CTTNBP2NL: variants seen among roughly 807,000 people sequenced by gnomAD.
CTTNBP2NL encodes CTTNBP2 N-terminal-like protein.
A neutral mutation model predicts 32.5 loss-of-function variants in CTTNBP2NL; 16 were observed. The observed-to-expected ratio is 0.49, with a 90% CI of 0.33 to 0.75. The LOEUF (loss-of-function observed/expected upper bound fraction) is 0.75. Among genes scored for constraint, CTTNBP2NL ranks in the 30% least tolerant of loss-of-function variants. CTTNBP2NL has a pLI of 0.02. For synonymous variants in CTTNBP2NL, 298 were observed against 289.4 expected (o/e 1.03, Z -0.30); for missense variants, 645 against 756.0 (o/e 0.85, Z 1.72).
At chr1:112,417,003 A>G (rs540977769) in intron 3 of CTTNBP2NL, among the ~76,000 whole-genome samples, 10 of 152,254 alleles carry the variant, frequency 6.6e-5, no homozygotes, top group African/African-American at 2.2e-4. Context: ...GCCCATTTCT[A>G]ATTGTCACTG....
In CTTNBP2NL at chr1:112,398,018, T is replaced by C. The variant is rs951320994; in HGVS notation, c.-134+1746T>C. ...TACAAAGAAGAAACTGGAGGGTGTCTCTAGCAAACGCAATGTGTGCTGCAA... is the reference window on the plus strand; with the variant it reads ...TACAAAGAAGAAACTGGAGGGTGTCCCTAGCAAACGCAATGTGTGCTGCAA... On this transcript the variant is annotated intron_variant, in intron 1 of 5. Transcript: ENST00000271277. 2.0e-5 allele frequency among the ~76,000 whole-genome samples: 3 copies of C among 152,330 alleles called. No homozygotes were observed. In the East Asian group the frequency reaches 5.8e-4, roughly 29 times the overall value.
intron 1 of CTTNBP2NL, among the ~76,000 whole-genome samples, chr1:112,404,973 C>A (rs978689418): frequency 1.3e-5 from 2 of 152,024 alleles, no homozygotes; most frequent in African/African-American, 4.8e-5. Flanking sequence ...ATCTCTTGAA[C>A]CAGGAGGCGG....
chr1:112,450,565 T>TC (rs1650185285), intron 4 of CTTNBP2NL, among the ~76,000 whole-genome samples: 2 of 152,196 alleles, frequency 1.3e-5, no homozygotes, highest in South Asian at 4.1e-4. Flanking sequence ...TATTTCCACT[T>TC]CATCCATGAG....
At chr1:112,437,967 T>C (rs1008609096) in intron 3 of CTTNBP2NL, among the ~76,000 whole-genome samples, 1 of 152,220 alleles carries the variant, frequency 6.6e-6, no homozygotes, top group Non-Finnish European at 1.5e-5. Context: ...TAGATCCCAT[T>C]TATCAATTTT....
chr1:112,440,534 GAAGTA>G (rs1012693720), intron 3 of CTTNBP2NL, among the ~76,000 whole-genome samples: 1 of 152,136 alleles, frequency 6.6e-6, no homozygotes, highest in Non-Finnish European at 1.5e-5. Flanking sequence ...TCTTATGCTA[GAAGTA>G]AAGTTCCTCA....
intron 3 of CTTNBP2NL, among the ~76,000 whole-genome samples, chr1:112,425,495 T>C (rs939995276): frequency 6.6e-6 from 1 of 152,018 alleles, no homozygotes; most frequent in Middle Eastern, 3.2e-3. Context: ...ATAAAATTGA[T>C]TTTTGTATAC....
intron 3 of CTTNBP2NL, among the ~76,000 whole-genome samples, chr1:112,418,155 C>G (rs541106170): frequency 1.3e-5 from 2 of 152,202 alleles, no homozygotes; most frequent in Non-Finnish European, 2.9e-5. Context: ...AATCTTATAT[C>G]TCTAAACAAA....
chr1:112,445,388 G>T (rs890054888), intron 3 of CTTNBP2NL, among the ~76,000 whole-genome samples: 195 of 152,104 alleles, frequency 1.3e-3, no homozygotes, highest in Middle Eastern at 6.8e-3. Context: ...CTGTTTTGGG[G>T]TTTTTTTATT....
intron 3 of CTTNBP2NL, among the ~76,000 whole-genome samples, chr1:112,433,259 T>G (rs1470456190): frequency 6.6e-6 from 1 of 152,122 alleles, no homozygotes; most frequent in Non-Finnish European, 1.5e-5. Context: ...TGTGGGGGTG[T>G]GTGTGTGTGT....
chr1:112,443,820 A>G (rs1649963356), intron 3 of CTTNBP2NL, among the ~76,000 whole-genome samples: 1 of 152,234 alleles, frequency 6.6e-6, no homozygotes, highest in Admixed American at 6.5e-5. Flanking sequence ...TTCCAGAACA[A>G]GGGTTTTCTT....
upstream of CTTNBP2NL, among the ~76,000 whole-genome samples, chr1:112,391,858 G>T (rs1373747571): frequency 6.6e-6 from 1 of 152,124 alleles, no homozygotes; most frequent in African/African-American, 2.4e-5. Context: ...GGCAGTAGTG[G>T]TGCGCGCCTG....
chr1:112,414,655 G>A (rs1649005354), intron 2 of CTTNBP2NL: 1 of 152,142 alleles, frequency 6.6e-6, no homozygotes, highest in African/African-American at 2.4e-5. Flanking sequence ...AGAAATATTT[G>A]TTCTACTTTG....
chr1:112,427,889 C>G (rs1406424120), intron 3 of CTTNBP2NL, among the ~76,000 whole-genome samples: 1 of 69,962 alleles, frequency 1.4e-5, no homozygotes, highest in Non-Finnish European at 2.8e-5. Context: ...GAGCAAGACT[C>G]TGTCTCAAAA....
At chr1:112,423,084 A>G (rs776903150) in intron 3 of CTTNBP2NL, among the ~76,000 whole-genome samples, 3 of 152,082 alleles carry the variant, frequency 2.0e-5, no homozygotes, top group African/African-American at 4.8e-5. Context: ...ATAGTCACCA[A>G]CCTGGCCTGT....
In CTTNBP2NL at chr1:112,415,679, C is replaced by A. The variant is rs147265297; in HGVS notation, c.-9-478C>A. ...TCAAGTGATTCCCCTGCCTCAGCCTCCCGAGTAGCTGGGACTACAGGCGTG... is the reference window on the plus strand; with the variant it reads ...TCAAGTGATTCCCCTGCCTCAGCCTACCGAGTAGCTGGGACTACAGGCGTG... On this transcript the variant is annotated intron_variant, in intron 2 of 5. Coordinates refer to ENST00000271277, the MANE Select transcript of CTTNBP2NL (RefSeq NM_018704.3). Among the ~76,000 whole-genome samples, 524 of 152,056 alleles carry A rather than the reference C, an allele frequency of 3.4e-3. 3 individuals are homozygous for A. Among genetic ancestry groups the A allele is most frequent in the African/African-American group, 0.012 (487 of 41,488 alleles).
chr1:112,401,909 A>T (rs1415428727), intron 1 of CTTNBP2NL, among the ~76,000 whole-genome samples: 3 of 152,234 alleles, frequency 2.0e-5, no homozygotes, highest in Non-Finnish European at 4.4e-5. Flanking sequence ...TATAGTTCTC[A>T]ATTGTTACTG....
At chr1:112,395,358 T>A (rs1648288427), upstream of CTTNBP2NL, among the ~76,000 whole-genome samples, 1 of 152,180 alleles carries the variant, frequency 6.6e-6, no homozygotes, top group Non-Finnish European at 1.5e-5. Context: ...TCCACTCCCC[T>A]CTCTGAGTTA....
At chr1:112,437,001 T>C (rs555579322) in intron 3 of CTTNBP2NL, among the ~76,000 whole-genome samples, 15 of 152,326 alleles carry the variant, frequency 9.8e-5, no homozygotes, top group African/African-American at 2.9e-4. Flanking sequence ...TGTGTAGTAT[T>C]CCATGGTGTA....
intron 4 of CTTNBP2NL, among the ~76,000 whole-genome samples, chr1:112,454,093 A>G (rs971033776): frequency 2.6e-5 from 4 of 152,160 alleles, no homozygotes; most frequent in African/African-American, 9.7e-5. Flanking sequence ...GTCTTGCTCC[A>G]TCACCTACAC....
Sources: allele counts gnomAD v4.1 joint callset (sites outside exome capture counted in the v4.1 genomes callset), GRCh38; gene constraint gnomAD v4.1.1; transcripts MANE v1.5; gene names NCBI Gene and HGNC (gene_info 2026-07-23, HGNC 2026-07-21).